SPRED1: variants seen among roughly 807,000 people sequenced by gnomAD.
SPRED1 encodes sprouty-related, EVH1 domain-containing protein 1.
SPRED1 carries 18 observed loss-of-function variants against 52.3 expected under a neutral mutation model. The ratio of observed to expected loss-of-function variants is 0.34; its 90% CI spans 0.24 to 0.51. The LOEUF is 0.51. SPRED1 is among the 20% of genes least tolerant of loss of function. The pLI is 0.97. For synonymous variants in SPRED1, 155 were observed against 179.7 expected (o/e 0.86, Z 1.10); for missense variants, 485 against 551.0 (o/e 0.88, Z 1.20).
rs1888635959 is a variant in SPRED1 at position 38,357,001 on chromosome 15, C to G, written c.*5337C>G. ...TTCAGAATTTGCTTTACATTCTTCA[C>G]ATCAAGTTAATACCCACAAGTAAGT... On this transcript the variant is annotated 3_prime_UTR_variant, in exon 7 of 7. Transcript: ENST00000299084. 1 of 152,132 alleles carries G rather than the reference C, an allele frequency of 6.6e-6. No homozygotes were observed. Among genetic ancestry groups the G allele is most frequent in the African/African-American group, 2.4e-5 (1 of 41,454 alleles). 9.4% of individuals were successfully genotyped at this position (152,132 alleles called of 1,614,324 possible). A position where few individuals can be genotyped will look rare whatever the true frequency, so the allele number is the denominator to read the frequency against.
At chr15:38,334,202 C>A (rs1465845430) in intron 4 of SPRED1, among the ~76,000 whole-genome samples, 1 of 151,788 alleles carries the variant, frequency 6.6e-6, no homozygotes, top group Non-Finnish European at 1.5e-5. Context: ...AGTTCAAAAG[C>A]ATCTATAACT....
At chr15:38,326,409 C>T (rs1463717696) in intron 4 of SPRED1, 1 of 152,186 alleles carries the variant, frequency 6.6e-6, no homozygotes, top group Non-Finnish European at 1.5e-5. Context: ...TTCTCAGTTT[C>T]TCAGTATGTC....
chr15:38,356,281 G>A lies in SPRED1; in HGVS notation c.*4617G>A, dbSNP rs1219150455. ...GTCATAATGTGTCTCCTCAGATATA[G>A]TTAACTAGCTTGATAGTTTTGAGTA... On this transcript the variant is annotated 3_prime_UTR_variant, in exon 7 of 7. Transcript: ENST00000299084. The A allele has an allele frequency of 6.6e-6, 1 of 152,056 alleles. No homozygotes were observed. The highest frequency in any genetic ancestry group is 1.9e-4 in the East Asian group (1 of 5,192). 9.4% of individuals were successfully genotyped at this position (152,056 alleles called of 1,614,324 possible).
At chr15:38,334,581 T>G (rs1442641481) in intron 4 of SPRED1, among the ~76,000 whole-genome samples, 1 of 152,074 alleles carries the variant, frequency 6.6e-6, no homozygotes, top group African/African-American at 2.4e-5. Flanking sequence ...CATCCTTCTA[T>G]CAGTTAGACA....
At chr15:38,310,369 G>C (rs953850385) in intron 2 of SPRED1, among the ~76,000 whole-genome samples, 1 of 152,072 alleles carries the variant, frequency 6.6e-6, no homozygotes, top group Non-Finnish European at 1.5e-5. Context: ...TTGAACTTCT[G>C]ACCTCAGGTG....
At chr15:38,272,710 T>C (rs1026036313) in intron 1 of SPRED1, among the ~76,000 whole-genome samples, 2 of 152,234 alleles carry the variant, frequency 1.3e-5, no homozygotes, top group African/African-American at 2.4e-5. Context: ...TTTTTAACTT[T>C]ATAATAATAG....
At chr15:38,323,777 AAGAG>A (rs1284655388) in intron 3 of SPRED1, among the ~76,000 whole-genome samples, 1 of 152,168 alleles carries the variant, frequency 6.6e-6, no homozygotes, top group Non-Finnish European at 1.5e-5. Context: ...CAGTGCTTTA[AAGAG>A]AGAGAAAAAT....
intron 1 of SPRED1, among the ~76,000 whole-genome samples, chr15:38,291,571 T>A (rs193043031): frequency 6.6e-6 from 1 of 152,338 alleles, no homozygotes; most frequent in Admixed American, 6.5e-5. Context: ...TTTCCATATA[T>A]CTTCTGAAAT....
chr15:38,333,510 G>C (rs1256413018), intron 4 of SPRED1, among the ~76,000 whole-genome samples: 2 of 151,986 alleles, frequency 1.3e-5, no homozygotes, highest in African/African-American at 4.8e-5. Flanking sequence ...GTTCATTCTT[G>C]GAGTTTCTTA....
In SPRED1 at chr15:38,352,383, A is replaced by G. The variant is rs563589753; in HGVS notation, c.*719A>G. ...TTGGCTACAATTTATATTGAGTTAT[A>G]TCTGTACATTCTGGTAATCTAAAAT... On this transcript the variant is annotated 3_prime_UTR_variant, in exon 7 of 7. Transcript: ENST00000299084. 3 of 152,546 alleles carry G rather than the reference A, an allele frequency of 2.0e-5. No homozygotes were observed. The highest frequency in any genetic ancestry group is 4.2e-4 in the South Asian group (2 of 4,812). The allele number at this position is 152,546 out of a possible 1,614,324, so 9.4% of individuals were successfully genotyped here. A position where few individuals can be genotyped will look rare whatever the true frequency, so the allele number is the denominator to read the frequency against.
intron 1 of SPRED1, among the ~76,000 whole-genome samples, chr15:38,256,668 CTG>C (rs1247790901): frequency 6.6e-6 from 1 of 152,138 alleles, no homozygotes; most frequent in East Asian, 1.9e-4. Context: ...TGAGTTTGAA[CTG>C]TTTTTCCGTA....
Position 38,266,503 on chromosome 15 carries a change from A to G in SPRED1, c.32+13286A>G, listed in dbSNP as rs190439398. On this transcript the variant is annotated intron_variant, in intron 1 of 6. Coordinates refer to ENST00000299084, the MANE Select transcript of SPRED1 (RefSeq NM_152594.3). Reference sequence around the variant, plus strand: ...AAAAATACAAAAAAATTATCCAGGCATGGTGGTGCATGCCTGTAGTCCCAG... The same window carrying G: ...AAAAATACAAAAAAATTATCCAGGCGTGGTGGTGCATGCCTGTAGTCCCAG... 9.2e-5 allele frequency among the ~76,000 whole-genome samples: 14 copies of G among 152,098 alleles called. No homozygotes were observed. The East Asian group carries it at 2.7e-3, about 29-fold the overall frequency.
chr15:38,262,091 A>G (rs550638779), intron 1 of SPRED1, among the ~76,000 whole-genome samples: 8 of 150,280 alleles, frequency 5.3e-5, no homozygotes, highest in Non-Finnish European at 5.9e-5. Flanking sequence ...TAAAAGCAGT[A>G]TTAAACATTT....
chr15:38,316,212 C>T (rs1895477044), intron 2 of SPRED1, among the ~76,000 whole-genome samples: 1 of 151,656 alleles, frequency 6.6e-6, no homozygotes, highest in Non-Finnish European at 1.5e-5. Context: ...GTTTGTTTTC[C>T]CTCTCCCTTC....
intron 5 of SPRED1, among the ~76,000 whole-genome samples, chr15:38,349,177 A>G (rs113343031): frequency 6.6e-6 from 1 of 152,082 alleles, no homozygotes; most frequent in African/African-American, 2.4e-5. Context: ...TAGTTGATGA[A>G]TATTTGGGTT....
In SPRED1 at chr15:38,354,467, C is replaced by T. The variant is rs1888565252; in HGVS notation, c.*2803C>T. 6.6e-6 allele frequency: 1 copy of T among 152,156 alleles called. No individual in the cohort carries two copies. Among genetic ancestry groups the T allele is most frequent in the Non-Finnish European group, 1.5e-5 (1 of 68,038 alleles). 9.4% of individuals were successfully genotyped at this position (152,156 alleles called of 1,614,324 possible). A position where few individuals can be genotyped will look rare whatever the true frequency, so the allele number is the denominator to read the frequency against. ...ATATTTCTCTTGGCTTCAAAAGGGACATCATTTGATTTCTGAAGAAGTATG... is the reference window on the plus strand; with the variant it reads ...ATATTTCTCTTGGCTTCAAAAGGGATATCATTTGATTTCTGAAGAAGTATG... On this transcript the variant is annotated 3_prime_UTR_variant, in exon 7 of 7. Coordinates refer to ENST00000299084, the MANE Select transcript of SPRED1 (RefSeq NM_152594.3).
At chr15:38,284,382 A>G (rs987749989) in intron 1 of SPRED1, among the ~76,000 whole-genome samples, 5 of 152,164 alleles carry the variant, frequency 3.3e-5, no homozygotes, top group Non-Finnish European at 7.3e-5. Flanking sequence ...CTGGGTCTAA[A>G]GGTATAATAT....
chr15:38,324,706 A>G lies in SPRED1; in HGVS notation c.377-57A>G. The G allele has an allele frequency of 2.3e-6, 3 of 1,327,672 alleles. No individual in the cohort carries two copies. The East Asian group carries it at 7.5e-5, about 33-fold the overall frequency. The allele number at this position is 1,327,672 out of a possible 1,614,324, so 82.2% of individuals were successfully genotyped here. A position where few individuals can be genotyped will look rare whatever the true frequency, so the allele number is the denominator to read the frequency against. ...TAATGACATAATCAATTAGTCATTAATACTGGACTCTAAGACAAAAATTCT... is the reference window on the plus strand; with the variant it reads ...TAATGACATAATCAATTAGTCATTAGTACTGGACTCTAAGACAAAAATTCT... On this transcript the variant is annotated intron_variant, in intron 3 of 6. Coordinates refer to ENST00000299084, the MANE Select transcript of SPRED1 (RefSeq NM_152594.3).
At chr15:38,335,829 A>G (rs1895903021) in intron 4 of SPRED1, among the ~76,000 whole-genome samples, 1 of 152,066 alleles carries the variant, frequency 6.6e-6, no homozygotes, top group African/African-American at 2.4e-5. Context: ...ATATTCATAA[A>G]CATGTTAATT....
Sources: allele counts gnomAD v4.1 joint callset (sites outside exome capture counted in the v4.1 genomes callset), GRCh38; gene constraint gnomAD v4.1.1; transcripts MANE v1.5; gene names NCBI Gene and HGNC (gene_info 2026-07-23, HGNC 2026-07-21).